The following KCNMA1 variants were observed in gnomAD, a reference collection of about 807,000 sequenced individuals.
KCNMA1 encodes potassium calcium-activated channel subfamily M alpha 1, also known as Calcium-activated potassium channel subunit alpha-1.
A neutral mutation model predicts 140.0 loss-of-function variants in KCNMA1; 29 were observed. The ratio of observed to expected loss-of-function variants is 0.21; its 90% confidence interval spans 0.15 to 0.28. The LOEUF (loss-of-function observed/expected upper bound fraction) is 0.28. Among genes scored for constraint, KCNMA1 ranks in the 10% least tolerant of loss-of-function variants. KCNMA1 has a pLI of 1.00. For missense variants in KCNMA1, 880 were observed against 1,602.2 expected (o/e 0.55, Z 7.70); for synonymous variants, 612 against 611.9 (o/e 1.00, Z 0.00).
At chr10:77,377,928 T>C (rs1269772235) in intron 2 of KCNMA1, among the ~76,000 whole-genome samples, 1 of 152,230 alleles carries the variant, frequency 6.6e-6, no homozygotes, top group Non-Finnish European at 1.5e-5. Flanking sequence ...TGGCTCATAG[T>C]GAGACCTCAG....
intron 3 of KCNMA1, among the ~76,000 whole-genome samples, chr10:77,197,289 T>C (rs568353885): frequency 7.9e-5 from 12 of 152,336 alleles, no homozygotes; most frequent in African/African-American, 2.9e-4. Flanking sequence ...CAAAATCAAA[T>C]CAGGTAACAT....
At chr10:77,276,673 A>T (rs1422332261) in intron 2 of KCNMA1, among the ~76,000 whole-genome samples, 1 of 152,168 alleles carries the variant, frequency 6.6e-6, no homozygotes, top group Non-Finnish European at 1.5e-5. Flanking sequence ...ACCCTGAACC[A>T]GATCCCCAGG....
chr10:77,061,090 G>T (rs1454926297), intron 14 of KCNMA1, among the ~76,000 whole-genome samples: 2 of 152,106 alleles, frequency 1.3e-5, no homozygotes, highest in Non-Finnish European at 2.9e-5. Flanking sequence ...CTAATACATA[G>T]AGTTTCATTT....
At chr10:76,977,933 C>T (rs987003343) in intron 19 of KCNMA1, 4 of 386,918 alleles carry the variant, frequency 1.0e-5, no homozygotes, top group South Asian at 4.2e-5. Flanking sequence ...GTCCACCCTG[C>T]GAGAGCCCCG....
At position 77,637,488 on chromosome 10, in the gene KCNMA1, G is replaced by A. The variant is rs1483499989; in HGVS notation, c.155C>T (p.Ser52Phe). The change falls in exon 1 of 28, where the codon TCC becomes TTC. Residue 52 changes from serine to phenylalanine, a missense_variant. This residue lies in a region of KCNMA1 where 94 missense variants were observed against 92.4 expected (regional missense o/e 1.02). Transcript: ENST00000286628. The part of the protein sequence containing the change: ...SSSSSSSSSS[S>F]SSSSSSSSVH... Reference sequence around the variant, plus strand: ...CGAGGACGAGGAGGAAGAGGAGGAGGAAGAAGAAGAAGAGGAAGAGGAGGA... The same window carrying A: ...CGAGGACGAGGAGGAAGAGGAGGAGAAAGAAGAAGAAGAGGAAGAGGAGGA... The A allele has an allele frequency of 6.3e-7, 1 of 1,588,790 alleles. No homozygotes were observed. The highest frequency in any genetic ancestry group is 8.6e-7 in the Non-Finnish European group (1 of 1,163,776).
At chr10:76,987,667 G>A (rs1393042306) in intron 19 of KCNMA1, among the ~76,000 whole-genome samples, 1 of 152,224 alleles carries the variant, frequency 6.6e-6, no homozygotes, top group Non-Finnish European at 1.5e-5. Context: ...TAGAAGCAGA[G>A]AGGAAAAGAA....
At chr10:77,232,389 G>T (rs1205947775) in intron 3 of KCNMA1, among the ~76,000 whole-genome samples, 1 of 152,142 alleles carries the variant, frequency 6.6e-6, no homozygotes, top group Non-Finnish European at 1.5e-5. Context: ...CAGCCACAAG[G>T]GTTGCAATTT....
downstream of KCNMA1, chr10:76,874,561 C>T (rs2032010240): frequency 6.6e-6 from 1 of 152,196 alleles, no homozygotes; most frequent in Non-Finnish European, 1.5e-5. Flanking sequence ...AACTAGGGAA[C>T]TTGTGCTTTT....
Position 76,897,819 on chromosome 10 carries a change from A to G in KCNMA1, c.3148-6100T>C, listed in dbSNP as rs552465247. Among the ~76,000 whole-genome samples, 3 of 152,156 alleles carry G rather than the reference A, an allele frequency of 2.0e-5. No individual in the cohort carries two copies. The South Asian group carries it at 6.2e-4, about 32-fold the overall frequency. ...AAAATTATGTTTTAAAGTTAGAAAAATGAGATGAGATAGAGATGATGATGG... is the reference window on the plus strand; with the variant it reads ...AAAATTATGTTTTAAAGTTAGAAAAGTGAGATGAGATAGAGATGATGATGG... On this transcript the variant is annotated intron_variant, in intron 25 of 27. Coordinates refer to ENST00000286628, the MANE Select transcript of KCNMA1 (RefSeq NM_001161352.2).
rs116124753 is a variant in KCNMA1 at position 76,976,317 on chromosome 10, G to T, written c.2267-6250C>A. ...ACTTTAAGGAACAATAGGTTATGTA[G>T]AAGTTAATCACAGGGTGTATTTCTG... On this transcript the variant is annotated intron_variant, in intron 19 of 27. Coordinates refer to ENST00000286628, the MANE Select transcript of KCNMA1 (RefSeq NM_001161352.2). Among the ~76,000 whole-genome samples the T allele has an allele frequency of 8.2e-3, 1,246 of 152,226 alleles. 21 individuals are homozygous for T. Among genetic ancestry groups the T allele is most frequent in the African/African-American group, 0.029 (1,191 of 41,526 alleles).
At chr10:77,356,722 G>T (rs2093514929) in intron 2 of KCNMA1, among the ~76,000 whole-genome samples, 1 of 152,118 alleles carries the variant, frequency 6.6e-6, no homozygotes, top group African/African-American at 2.4e-5. Context: ...AGCATTCATT[G>T]CCCCTTCTGG....
At chr10:77,423,836 A>G (rs1301814315) in intron 1 of KCNMA1, among the ~76,000 whole-genome samples, 1 of 152,166 alleles carries the variant, frequency 6.6e-6, no homozygotes, top group African/African-American at 2.4e-5. Flanking sequence ...ATTCTTTGAG[A>G]TGGGTAAGGC....
intron 17 of KCNMA1, chr10:77,012,610 C>A (rs996632165): frequency 7.0e-7 from 1 of 1,418,940 alleles, no homozygotes; most frequent in Non-Finnish European, 9.7e-7. Context: ...TCTGTCAAAC[C>A]CCCTCTGGAG....
chr10:77,108,289 C>G lies in KCNMA1; in HGVS notation c.1223+192G>C, dbSNP rs2097239910. ...TTTTCTGATGCAACTGACTTACTTTCTGCCTCCATGTTTGTTAAAAGTCCC... is the reference window on the plus strand; with the variant it reads ...TTTTCTGATGCAACTGACTTACTTTGTGCCTCCATGTTTGTTAAAAGTCCC... On this transcript the variant is annotated intron_variant, in intron 9 of 27. Transcript: ENST00000286628. This position sits in a 1 kb window ranked among gnomAD's most constrained non-coding sequence, Gnocchi z 4.6. 1 of 1,480,730 alleles carries G rather than the reference C, an allele frequency of 6.8e-7. No individual in the cohort carries two copies. Among genetic ancestry groups the G allele is most frequent in the East Asian group, 2.5e-5 (1 of 40,694 alleles). 91.7% of individuals were successfully genotyped at this position (1,480,730 alleles called of 1,614,324 possible). A position where few individuals can be genotyped will look rare whatever the true frequency, so the allele number is the denominator to read the frequency against.
chr10:77,075,762 C>G (rs2096375028), intron 13 of KCNMA1, among the ~76,000 whole-genome samples: 1 of 152,146 alleles, frequency 6.6e-6, no homozygotes, highest in Non-Finnish European at 1.5e-5. Flanking sequence ...CTGCTGAATG[C>G]TTGGAGGGAA....
chr10:77,637,015 A>C (rs2093821185), intron 1 of KCNMA1: 1 of 1,409,146 alleles, frequency 7.1e-7, no homozygotes. Context: ...CCCTACAATA[A>C]ACAAGAGGAC....
chr10:77,578,292 T>C (rs1423142482), intron 1 of KCNMA1, among the ~76,000 whole-genome samples: 1 of 152,168 alleles, frequency 6.6e-6, no homozygotes, highest in Non-Finnish European at 1.5e-5. Context: ...AAACCAGAAC[T>C]CTGGTCCCGG....
At chr10:77,431,613 C>A (rs189749098) in intron 1 of KCNMA1, among the ~76,000 whole-genome samples, 5 of 142,130 alleles carry the variant, frequency 3.5e-5, no homozygotes, top group Non-Finnish European at 1.5e-5. Context: ...AGCCCTAGGG[C>A]AGCTGCAACA....
intron 9 of KCNMA1, among the ~76,000 whole-genome samples, chr10:77,107,619 A>G (rs2097222107): frequency 6.6e-6 from 1 of 152,236 alleles, no homozygotes; most frequent in African/African-American, 2.4e-5. Context: ...ATCGAGAGTG[A>G]TAAAGTGATC....
Sources: allele counts gnomAD v4.1 joint callset (sites outside exome capture counted in the v4.1 genomes callset), GRCh38; gene constraint gnomAD v4.1.1; regional missense constraint gnomAD v4.1.1; non-coding constraint Gnocchi (gnomAD v3.1); transcripts MANE v1.5; gene names NCBI Gene and HGNC (gene_info 2026-07-23, HGNC 2026-07-21).